Variants in SUCLG2 observed in about 807,000 individuals in gnomAD.
SUCLG2 encodes the protein succinate-CoA ligase GDP-forming subunit beta, also known as succinate--CoA ligase [GDP-forming] subunit beta, mitochondrial.
Under a neutral mutation model 47.9 loss-of-function variants are expected in SUCLG2, and 42 were observed. The observed-to-expected ratio is 0.88, with a 90% CI of 0.69 to 1.14. SUCLG2 has a LOEUF of 1.14. Ranked by LOEUF, SUCLG2 falls within the 50% of genes most tolerant of loss-of-function variation. The pLI is 0.00. For missense variants in SUCLG2, 571 were observed against 525.9 expected, an observed-to-expected ratio of 1.09 and a Z score of -0.84; for synonymous variants, 195 against 197.3, an observed-to-expected ratio of 0.99 and a Z score of 0.10.
intron 1 of SUCLG2, among the ~76,000 whole-genome samples, chr3:67,646,662 A>C (rs578079539): frequency 2.6e-5 from 4 of 152,288 alleles, no homozygotes; most frequent in Non-Finnish European, 5.9e-5. Context: ...AGAAAAAAAA[A>C]AGGTATCTTA....
chr3:67,384,446 A>G (rs529519123), intron 10 of SUCLG2, among the ~76,000 whole-genome samples: 15 of 152,338 alleles, frequency 9.8e-5, no homozygotes, highest in Non-Finnish European at 1.6e-4. Context: ...CCTATTGTCT[A>G]CTGCTGCTTC....
intron 9 of SUCLG2, among the ~76,000 whole-genome samples, chr3:67,453,906 G>C (rs1200551366): frequency 6.6e-6 from 1 of 152,122 alleles, no homozygotes; most frequent in African/African-American, 2.4e-5. Flanking sequence ...AGAATGCCAC[G>C]ATGTACTTGG....
chr3:67,491,667 T>G (rs1352834907), intron 9 of SUCLG2, among the ~76,000 whole-genome samples: 1 of 152,186 alleles, frequency 6.6e-6, no homozygotes, highest in African/African-American at 2.4e-5. Flanking sequence ...CATGTTCTAT[T>G]TCTTGATCTG....
intron 9 of SUCLG2, among the ~76,000 whole-genome samples, chr3:67,474,557 A>G (rs543945696): frequency 6.6e-5 from 10 of 152,200 alleles, no homozygotes; most frequent in Non-Finnish European, 1.3e-4. Context: ...TTTAACTTGC[A>G]TTATGATATT....
At chr3:67,579,392 G>A (rs554934845) in intron 2 of SUCLG2, among the ~76,000 whole-genome samples, 2 of 152,298 alleles carry the variant, frequency 1.3e-5, no homozygotes, top group African/African-American at 4.8e-5. Flanking sequence ...GATGAAACTC[G>A]AAGTTGGATG....
chr3:67,627,636 A>G (rs1700857099), intron 1 of SUCLG2, among the ~76,000 whole-genome samples: 1 of 152,216 alleles, frequency 6.6e-6, no homozygotes, highest in Non-Finnish European at 1.5e-5. Context: ...GTCTGCCCAT[A>G]TGGGGCACAC....
At chr3:67,415,131 C>T (rs1703010353) in intron 9 of SUCLG2, among the ~76,000 whole-genome samples, 2 of 152,174 alleles carry the variant, frequency 1.3e-5, no homozygotes, top group South Asian at 4.1e-4. Context: ...ACTGGGATTA[C>T]AAGCGTGAGC....
intron 1 of SUCLG2, among the ~76,000 whole-genome samples, chr3:67,641,191 C>T (rs1701094665): frequency 6.6e-6 from 1 of 152,146 alleles, no homozygotes; most frequent in Non-Finnish European, 1.5e-5. Context: ...TTCTCAATTG[C>T]AACTCGTCTG....
chr3:67,467,308 T>C lies in SUCLG2; in HGVS notation c.1062+28490A>G, dbSNP rs573605568. On this transcript the variant is annotated intron_variant, in intron 9 of 10. Transcript: ENST00000307227. ...TCTAGTATATTTTTCTCACCTGAAA[T>C]ATTGAGGAATAGGAAGTTATTCAGT... is the stretch of plus-strand genomic sequence containing the variant. Among the ~76,000 whole-genome samples, 7 of 152,342 alleles carry C rather than the reference T, an allele frequency of 4.6e-5. No individual in the cohort carries two copies. In the South Asian group the frequency reaches 8.3e-4, roughly 18 times the overall value.
At chr3:67,428,130 G>C (rs192378162) in intron 9 of SUCLG2, among the ~76,000 whole-genome samples, 15 of 152,200 alleles carry the variant, frequency 9.9e-5, no homozygotes, top group Non-Finnish European at 1.6e-4. Context: ...ACTGGAGAAT[G>C]GACAGACTGC....
intron 9 of SUCLG2, among the ~76,000 whole-genome samples, chr3:67,438,421 C>T (rs185844907): frequency 3.3e-5 from 5 of 151,142 alleles, no homozygotes; most frequent in Non-Finnish European, 5.9e-5. Flanking sequence ...AAAACTCATC[C>T]TCCCACCCAA....
intron 10 of SUCLG2, among the ~76,000 whole-genome samples, chr3:67,387,630 C>A (rs1174414134): frequency 6.6e-6 from 1 of 152,018 alleles, no homozygotes; most frequent in African/African-American, 2.4e-5. Flanking sequence ...GCTTAGTATT[C>A]CAGAAGAATT....
chr3:67,593,647 T>C (rs1831324), intron 2 of SUCLG2, among the ~76,000 whole-genome samples: 76,475 of 152,014 alleles, frequency 0.5, 20,437 homozygotes, highest in African/African-American at 0.69. Context: ...CCCATTAATC[T>C]ATTTACCACA....
intron 1 of SUCLG2, among the ~76,000 whole-genome samples, chr3:67,642,292 G>A (rs569683782): frequency 5.1e-4 from 77 of 152,234 alleles, no homozygotes; most frequent in East Asian, 3.9e-4. Context: ...TCTCTGAGCC[G>A]CAGTTTGTTA....
chr3:67,498,039 C>A, intron 8 of SUCLG2, 95 bp downstream of exon 8: 1 of 1,318,256 alleles, frequency 7.6e-7, no homozygotes, highest in Non-Finnish European at 1.0e-6. Context: ...AACTTATGTG[C>A]TTACTTCTTC....
At chr3:67,444,012 G>A (rs1703849685) in intron 9 of SUCLG2, among the ~76,000 whole-genome samples, 1 of 124,232 alleles carries the variant, frequency 8.0e-6, no homozygotes, top group Non-Finnish European at 1.8e-5. Flanking sequence ...GAGGGAGGTG[G>A]GGGGGTCAGC....
At chr3:67,530,419 C>G (rs1198677798) in intron 2 of SUCLG2, among the ~76,000 whole-genome samples, 2 of 152,172 alleles carry the variant, frequency 1.3e-5, no homozygotes, top group Admixed American at 1.3e-4. Flanking sequence ...GGAATCATTA[C>G]AGAGATGGCT....
intron 2 of SUCLG2, among the ~76,000 whole-genome samples, chr3:67,574,650 T>G (rs1420458604): frequency 6.6e-6 from 1 of 151,524 alleles, no homozygotes; most frequent in East Asian, 1.9e-4. Context: ...GTGACTCAGG[T>G]AAAAAAAAAT....
intron 2 of SUCLG2, among the ~76,000 whole-genome samples, chr3:67,573,773 TC>T (rs1707676736): frequency 6.6e-6 from 1 of 151,812 alleles, no homozygotes; most frequent in African/African-American, 2.4e-5. Context: ...AATCCTTGTT[TC>T]CCCCTTTTTT....
Sources: allele counts gnomAD v4.1 joint callset (sites outside exome capture counted in the v4.1 genomes callset), GRCh38; gene constraint gnomAD v4.1.1; transcripts MANE v1.5; gene names NCBI Gene and HGNC (gene_info 2026-07-23, HGNC 2026-07-21).